ARHGAP20: variants seen among roughly 807,000 people sequenced by gnomAD.
ARHGAP20 encodes the protein rho GTPase-activating protein 20.
Under a neutral mutation model 73.7 loss-of-function variants are expected in ARHGAP20, and 34 were observed. The observed-to-expected ratio is 0.46, with a 90% CI of 0.35 to 0.61. ARHGAP20 has a LOEUF of 0.61. ARHGAP20 is among the 20% of genes least tolerant of loss of function. The probability of loss-of-function intolerance (pLI) is 0.00; values close to 1 mark genes in which losing one functional copy is unlikely to be tolerated. For missense variants in ARHGAP20, 1,314 were observed against 1,420.9 expected (o/e 0.92, Z 1.21); for synonymous variants, 523 against 518.2 (o/e 1.01, Z -0.13).
chr11:110,668,702 C>T (rs1295730699), intron 2 of ARHGAP20, among the ~76,000 whole-genome samples: 1 of 152,040 alleles, frequency 6.6e-6, no homozygotes, highest in Admixed American at 6.6e-5. Flanking sequence ...GCCATTGGCA[C>T]ACTTAATAGA....
chr11:110,656,597 G>C (rs1949472411), intron 2 of ARHGAP20, among the ~76,000 whole-genome samples: 2 of 152,186 alleles, frequency 1.3e-5, no homozygotes, highest in South Asian at 4.1e-4. Context: ...GGAAGTAACA[G>C]AAGTTCACCT....
intron 2 of ARHGAP20, among the ~76,000 whole-genome samples, chr11:110,655,815 G>A (rs1949453487): frequency 6.6e-6 from 1 of 152,076 alleles, no homozygotes; most frequent in Non-Finnish European, 1.5e-5. Context: ...TATTTCCTAA[G>A]GCTATGTGAT....
intron 2 of ARHGAP20, among the ~76,000 whole-genome samples, chr11:110,659,380 A>G (rs1345657533): frequency 5.2e-4 from 77 of 148,372 alleles, no homozygotes; most frequent in African/African-American, 1.6e-3. Flanking sequence ...GTCTGTTCAT[A>G]TCCTTCGCCC....
Position 110,579,337 on chromosome 11 carries a change from C to A in ARHGAP20, c.*33G>T, listed in dbSNP as rs774740742. Reference sequence around the variant, plus strand: ...ATTGTCTATTATTATTAACCCAGTTCCTGTTCTTGTGGACATCAGATTCTT... The same window carrying A: ...ATTGTCTATTATTATTAACCCAGTTACTGTTCTTGTGGACATCAGATTCTT... On this transcript the variant is annotated 3_prime_UTR_variant, in exon 15 of 15. Coordinates refer to ENST00000683387, the MANE Select transcript of ARHGAP20 (RefSeq NM_001384657.1). 6.5e-7 allele frequency: 1 copy of A among 1,541,818 alleles called. No homozygotes were observed. Among genetic ancestry groups the A allele is most frequent in the Non-Finnish European group, 8.8e-7 (1 of 1,140,954 alleles).
intron 14 of ARHGAP20, among the ~76,000 whole-genome samples, 175 bp from the exon 15 acceptor site, chr11:110,581,400 TAGG>T (rs1947464304): frequency 6.6e-6 from 1 of 152,328 alleles, no homozygotes; most frequent in South Asian, 2.1e-4. Flanking sequence ...TGCTGGGGTA[TAGG>T]AGATTTATCT....
intron 6 of ARHGAP20, among the ~76,000 whole-genome samples, chr11:110,612,970 A>T (rs1948403362): frequency 6.6e-6 from 1 of 152,150 alleles, no homozygotes. Flanking sequence ...TTGAGAGATA[A>T]TTTTTAAAAA....
chr11:110,650,887 A>G (rs557523144), intron 2 of ARHGAP20, among the ~76,000 whole-genome samples: 1 of 152,260 alleles, frequency 6.6e-6, no homozygotes, highest in South Asian at 2.1e-4. Context: ...GTAGTTCTGG[A>G]ATTCTAAGCC....
Position 110,577,597 on chromosome 11 carries a change from T to C in ARHGAP20, c.*1773A>G. ...GAAAGGGGAGTCCCTGCTGACTTTA[T>C]ATATTATACCAAAAAAGATGCATAT... On this transcript the variant is annotated 3_prime_UTR_variant, in exon 15 of 15. Coordinates refer to ENST00000683387, the MANE Select transcript of ARHGAP20 (RefSeq NM_001384657.1). The C allele has an allele frequency of 5.1e-6, 5 of 986,566 alleles. No homozygotes were observed. Among genetic ancestry groups the C allele is most frequent in the Middle Eastern group, 5.2e-4 (1 of 1,916 alleles). 61.1% of individuals were successfully genotyped at this position (986,566 alleles called of 1,614,324 possible).
rs113290611 is a variant in ARHGAP20, at chr11:110,639,381, C to CT, written c.189-8590dup. ...AGTCTATGGTTCTTGAGCTAGTGTG[C>CT]TTTTTTTTTTTTAAACAAAAACAAA... On this transcript the variant is annotated intron_variant, in intron 2 of 14. Coordinates refer to ENST00000683387, the MANE Select transcript of ARHGAP20 (RefSeq NM_001384657.1). 4.6e-3 allele frequency among the ~76,000 whole-genome samples: 664 copies of CT among 143,134 alleles called. 2 individuals carry two copies. Among genetic ancestry groups the CT allele is most frequent in the Admixed American group, 0.011 (152 of 14,244 alleles). 93.9% of individuals were successfully genotyped at this position (143,134 alleles called of 152,430 possible).
At chr11:110,594,022 G>A (rs553018175) in intron 9 of ARHGAP20, among the ~76,000 whole-genome samples, 4 of 152,358 alleles carry the variant, frequency 2.6e-5, no homozygotes, top group Non-Finnish European at 5.9e-5. Context: ...AAAGGACACA[G>A]TCAGCAGTCT....
chr11:110,669,032 AT>A (rs112133120), intron 2 of ARHGAP20, among the ~76,000 whole-genome samples: 133 of 152,308 alleles, frequency 8.7e-4, no homozygotes, highest in African/African-American at 3.0e-3. Flanking sequence ...AAAAGAAAAC[AT>A]AGAAGGAAAT....
chr11:110,588,706 T>G (rs1947738546), intron 11 of ARHGAP20, among the ~76,000 whole-genome samples: 1 of 152,220 alleles, frequency 6.6e-6, no homozygotes, highest in South Asian at 2.1e-4. Context: ...TTCTTTGCAA[T>G]AGCATCAATA....
chr11:110,584,221 C>G (rs928091664), intron 12 of ARHGAP20, among the ~76,000 whole-genome samples: 3 of 152,198 alleles, frequency 2.0e-5, no homozygotes, highest in South Asian at 4.1e-4. Context: ...ATTTTGAGAG[C>G]TTATGTTCTG....
intron 12 of ARHGAP20, 97 bp from the exon 13 acceptor site, chr11:110,583,834 G>A (rs1565420457): frequency 2.9e-6 from 3 of 1,036,934 alleles, no homozygotes; most frequent in Non-Finnish European, 4.0e-6. Flanking sequence ...GGGAAATCAA[G>A]AACACAGTTC....
At chr11:110,698,627 C>G (rs77121596) in intron 1 of ARHGAP20, among the ~76,000 whole-genome samples, 1 of 151,814 alleles carries the variant, frequency 6.6e-6, no homozygotes, top group Non-Finnish European at 1.5e-5. Context: ...ACTTCTATTT[C>G]TTGCTGGCTC....
chr11:110,637,553 T>C (rs1293559290), intron 2 of ARHGAP20, among the ~76,000 whole-genome samples: 1 of 152,140 alleles, frequency 6.6e-6, no homozygotes, highest in Admixed American at 6.6e-5. Context: ...ACATTTATTG[T>C]GCATACAATT....
At chr11:110,631,252 C>A (rs896345204) in intron 2 of ARHGAP20, among the ~76,000 whole-genome samples, 7 of 152,138 alleles carry the variant, frequency 4.6e-5, no homozygotes, top group African/African-American at 1.4e-4. Context: ...TATCCACTGA[C>A]TTTTGACAAA....
At chr11:110,674,441 A>G (rs1949891476) in intron 2 of ARHGAP20, among the ~76,000 whole-genome samples, 1 of 152,226 alleles carries the variant, frequency 6.6e-6, no homozygotes, top group South Asian at 2.1e-4. Context: ...TTGAGCGCCT[A>G]CACGATGGCA....
chr11:110,595,973 A>C (rs1468844789), intron 9 of ARHGAP20, among the ~76,000 whole-genome samples: 51 of 152,096 alleles, frequency 3.4e-4, no homozygotes, highest in African/African-American at 1.1e-3. Context: ...AGAACAGAGC[A>C]CTTAGAAATA....
Sources: allele counts gnomAD v4.1 joint callset (sites outside exome capture counted in the v4.1 genomes callset), GRCh38; gene constraint gnomAD v4.1.1; transcripts MANE v1.5; gene names NCBI Gene and HGNC (gene_info 2026-07-23, HGNC 2026-07-21).